The following ANKRD30BL variants were observed in gnomAD, a reference collection of about 807,000 sequenced individuals.
ANKRD30BL encodes ankyrin repeat domain 30B like, also known as putative ankyrin repeat domain-containing protein 30B-like.
In ANKRD30BL, 20 loss-of-function variants were observed where a neutral mutation model predicts 18.4. The ratio of observed to expected loss-of-function variants is 1.09; its 90% CI spans 0.77 to 1.58. ANKRD30BL has a LOEUF of 1.58. Among genes scored for constraint, ANKRD30BL ranks in the 40% most tolerant of loss-of-function variants. The probability of loss-of-function intolerance (pLI) is 0.00; values close to 1 mark genes in which losing one functional copy is unlikely to be tolerated. For missense variants in ANKRD30BL, 224 were observed against 268.6 expected (o/e 0.83, Z 1.16); for synonymous variants, 72 against 100.9 (o/e 0.71, Z 1.72).
intron 1 of ANKRD30BL, among the ~76,000 whole-genome samples, chr2:132,215,955 G>A (rs970783276): frequency 6.6e-6 from 1 of 151,814 alleles, no homozygotes; most frequent in Non-Finnish European, 1.5e-5. Context: ...TTTTGATTGA[G>A]CAGCTTTGAA....
intron 1 of ANKRD30BL, among the ~76,000 whole-genome samples, chr2:132,227,468 C>A (rs923583515): frequency 6.6e-6 from 1 of 151,450 alleles, no homozygotes; most frequent in South Asian, 2.1e-4. Context: ...ATCATAGAGT[C>A]GTTTTGAAAC....
chr2:132,193,467 A>G (rs1317386385), intron 1 of ANKRD30BL, among the ~76,000 whole-genome samples: 1 of 152,058 alleles, frequency 6.6e-6, no homozygotes, highest in East Asian at 1.9e-4. Flanking sequence ...GGCTTCCAGA[A>G]TTCCTGATCC....
chr2:132,224,867 A>C (rs374743865), intron 1 of ANKRD30BL, among the ~76,000 whole-genome samples: 44 of 151,882 alleles, frequency 2.9e-4, no homozygotes, highest in African/African-American at 1.1e-3. Flanking sequence ...TGTGTGAATT[A>C]AAATCACAGA....
intron 1 of ANKRD30BL, among the ~76,000 whole-genome samples, chr2:132,181,529 C>T (rs80097025): frequency 6.6e-6 from 1 of 152,006 alleles, no homozygotes; most frequent in African/African-American, 2.4e-5. Flanking sequence ...AGAGATTCCC[C>T]TTAACTTCTA....
intron 1 of ANKRD30BL, among the ~76,000 whole-genome samples, chr2:132,211,820 C>A (rs533383997): frequency 2.3e-5 from 3 of 129,030 alleles, no homozygotes; most frequent in South Asian, 2.6e-4. Context: ...CCTTTCTTTT[C>A]ATTGAGCAGT....
At chr2:132,213,858 C>G (rs1679421434) in intron 1 of ANKRD30BL, among the ~76,000 whole-genome samples, 1 of 151,652 alleles carries the variant, frequency 6.6e-6, no homozygotes, top group Non-Finnish European at 1.5e-5. Context: ...AAAATTCTTT[C>G]TGATGTGTGC....
intron 1 of ANKRD30BL, among the ~76,000 whole-genome samples, chr2:132,181,968 G>A (rs1340432085): frequency 3.3e-5 from 5 of 151,814 alleles, no homozygotes; most frequent in African/African-American, 1.2e-4. Context: ...AAAATTAGCC[G>A]GGCGTGGTGG....
intron 1 of ANKRD30BL, among the ~76,000 whole-genome samples, chr2:132,221,227 G>A (rs1170047880): frequency 6.9e-5 from 10 of 145,048 alleles, no homozygotes; most frequent in South Asian, 6.4e-4. Flanking sequence ...CAGCCGCCCC[G>A]TCCGGGAGGT....
intron 4 of ANKRD30BL, among the ~76,000 whole-genome samples, chr2:132,151,430 C>A (rs1419788623): frequency 6.6e-6 from 1 of 151,972 alleles, no homozygotes; most frequent in African/African-American, 2.4e-5. Context: ...AAAATTTGTT[C>A]TTGAACCTTA....
At chr2:132,172,714 T>A (rs1688303314) in intron 1 of ANKRD30BL, among the ~76,000 whole-genome samples, 1 of 151,500 alleles carries the variant, frequency 6.6e-6, no homozygotes, top group Admixed American at 6.6e-5. Context: ...AGGGTGACTT[T>A]TTTTTTTTTT....
chr2:132,239,620 C>A (rs1161986356), intron 1 of ANKRD30BL, among the ~76,000 whole-genome samples: 1 of 151,752 alleles, frequency 6.6e-6, no homozygotes, highest in African/African-American at 2.4e-5. Flanking sequence ...TTGAGAATTT[C>A]GTTAGAAACG....
At chr2:132,188,488 G>A (rs1305001886) in intron 1 of ANKRD30BL, among the ~76,000 whole-genome samples, 2 of 152,134 alleles carry the variant, frequency 1.3e-5, no homozygotes, top group Non-Finnish European at 2.9e-5. Context: ...AGGCTGAGGC[G>A]GGCGGATCAT....
At chr2:132,254,834 G>A (rs1680777501) in intron 1 of ANKRD30BL, among the ~76,000 whole-genome samples, 1 of 152,204 alleles carries the variant, frequency 6.6e-6, no homozygotes, top group Admixed American at 6.5e-5. Flanking sequence ...GTTCGTTATT[G>A]GAATTAGCCA....
intron 1 of ANKRD30BL, among the ~76,000 whole-genome samples, chr2:132,183,819 C>T (rs1398823606): frequency 6.6e-6 from 1 of 151,932 alleles, no homozygotes; most frequent in Admixed American, 6.6e-5. Flanking sequence ...TGCTGCTCTT[C>T]GTGGGATGTA....
At chr2:132,219,297 C>T (rs1467504486) in intron 1 of ANKRD30BL, among the ~76,000 whole-genome samples, 3 of 146,418 alleles carry the variant, frequency 2.0e-5, no homozygotes, top group African/African-American at 8.0e-5. Flanking sequence ...CCAGCCTTCG[C>T]TGGAAACAGG....
At chr2:132,195,562 G>A (rs1389603391) in intron 1 of ANKRD30BL, among the ~76,000 whole-genome samples, 1 of 151,840 alleles carries the variant, frequency 6.6e-6, no homozygotes, top group East Asian at 1.9e-4. Context: ...AGGCTGAGAT[G>A]GGTAAATCAT....
At chr2:132,193,163 C>T (rs1430093258) in intron 1 of ANKRD30BL, among the ~76,000 whole-genome samples, 2 of 152,162 alleles carry the variant, frequency 1.3e-5, no homozygotes, top group African/African-American at 2.4e-5. Context: ...GATTGGCTTT[C>T]CCACAACAAG....
intron 1 of ANKRD30BL, among the ~76,000 whole-genome samples, chr2:132,205,673 G>A (rs1003383215): frequency 6.6e-6 from 1 of 151,434 alleles, no homozygotes; most frequent in Non-Finnish European, 1.5e-5. Flanking sequence ...GAAAGCATGG[G>A]GCCAACATTG....
At chr2:132,247,081 C>T (rs1288634729) in intron 1 of ANKRD30BL, among the ~76,000 whole-genome samples, 1 of 151,434 alleles carries the variant, frequency 6.6e-6, no homozygotes, top group Non-Finnish European at 1.5e-5. Flanking sequence ...TTTTGAAACT[C>T]TCTTTTTGTA....
Sources: allele counts gnomAD v4.1 joint callset (sites outside exome capture counted in the v4.1 genomes callset), GRCh38; gene constraint gnomAD v4.1.1; transcripts MANE v1.5; gene names NCBI Gene and HGNC (gene_info 2026-07-23, HGNC 2026-07-21).